MDN1: variants seen among roughly 807,000 people sequenced by gnomAD.
MDN1 encodes the protein midasin AAA ATPase 1, also known as midasin.
In MDN1, 266 loss-of-function variants were observed where a neutral mutation model predicts 669.2. The ratio of observed to expected loss-of-function variants is 0.40; its 90% confidence interval spans 0.36 to 0.44. The LOEUF (loss-of-function observed/expected upper bound fraction) is 0.44. MDN1 is among the 20% of genes least tolerant of loss of function. The pLI, the probability that MDN1 is intolerant of heterozygous loss-of-function variation, is 1.00. For synonymous variants in MDN1, 2,385 were observed against 2,457.1 expected (o/e 0.97, Z 0.87); for missense variants, 5,940 against 6,754.0 (o/e 0.88, Z 4.22).
chr6:89,796,661 G>A (rs1024685046), intron 2 of MDN1, among the ~76,000 whole-genome samples: 1 of 152,194 alleles, frequency 6.6e-6, no homozygotes, highest in Non-Finnish European at 1.5e-5. Context: ...TGGGTACAGT[G>A]TGTATATGAG....
intron 22 of MDN1, among the ~76,000 whole-genome samples, chr6:89,752,914 G>A (rs1817028633): frequency 6.6e-6 from 1 of 152,040 alleles, no homozygotes. Flanking sequence ...CATGAGGTCA[G>A]GAGTTCGAGA....
chr6:89,722,913 T>C (rs1373151651), intron 40 of MDN1, 42 bp downstream of exon 40: 1 of 1,548,102 alleles, frequency 6.5e-7, no homozygotes, highest in African/African-American at 1.4e-5. Context: ...GGAAATCAAC[T>C]TTCAGATGGA....
intron 15 of MDN1, among the ~76,000 whole-genome samples, chr6:89,768,989 G>A (rs1455714618): frequency 6.6e-6 from 1 of 151,922 alleles, no homozygotes; most frequent in Non-Finnish European, 1.5e-5. Flanking sequence ...AGAAAGTCAA[G>A]GCTGCAATAA....
At chr6:89,757,950 A>T (rs1409955330) in intron 19 of MDN1, among the ~76,000 whole-genome samples, 1 of 152,196 alleles carries the variant, frequency 6.6e-6, no homozygotes, top group Non-Finnish European at 1.5e-5. Context: ...CAGGAGGCTG[A>T]GGCAGGAGAA....
chr6:89,766,355 C>T (rs767590231), intron 15 of MDN1, among the ~76,000 whole-genome samples: 3 of 151,332 alleles, frequency 2.0e-5, no homozygotes, highest in East Asian at 3.9e-4. Context: ...TACCTAAAGC[C>T]CTTAAGTCAA....
chr6:89,801,403 A>C (rs1235044234), intron 2 of MDN1, among the ~76,000 whole-genome samples: 5 of 152,174 alleles, frequency 3.3e-5, no homozygotes, highest in Non-Finnish European at 7.3e-5. Context: ...CTATAATCCC[A>C]GCAATCTGGG....
intron 46 of MDN1, 134 bp from the exon 47 acceptor site, chr6:89,713,430 A>G (rs2128312142): frequency 1.3e-6 from 1 of 783,148 alleles, no homozygotes; most frequent in Non-Finnish European, 2.0e-6. Flanking sequence ...AAACATTCCA[A>G]GTAGACTCTA....
Position 89,772,650 on chromosome 6 carries a change from T to C in MDN1, c.2006A>G (p.Lys669Arg). 6.2e-7 allele frequency: 1 copy of C among 1,614,124 alleles called. No individual in the cohort carries two copies. Among genetic ancestry groups the C allele is most frequent in the Non-Finnish European group, 8.5e-7 (1 of 1,180,004 alleles). ...LIEQLAVCVS[K>R]GEPVLLVGET... ...TCCCACCAGCAACACAGGCTCCCCT[T>C]TGCTGACACACACTGCAAGCTGCTC... Residue 669 changes from lysine (K) to arginine (R), a missense_variant, in exon 14 of 102, where the codon AAA becomes AGA. Lys to Arg is a conservative substitution (Grantham distance 26, BLOSUM62 2). Transcript: ENST00000369393.
At chr6:89,705,185 T>C (rs1408004196) in intron 53 of MDN1, among the ~76,000 whole-genome samples, 4 of 152,222 alleles carry the variant, frequency 2.6e-5, no homozygotes, top group Non-Finnish European at 4.4e-5. Flanking sequence ...ACTTTAGAAA[T>C]TGCTATTTTT....
intron 14 of MDN1, among the ~76,000 whole-genome samples, 180 bp from the exon 15 acceptor site, chr6:89,771,801 T>G (rs45628137): frequency 0.18 from 27,114 of 152,024 alleles, 2,466 homozygotes; most frequent in East Asian, 0.22. Context: ...CTCAACTTCC[T>G]GGGCTCAAGT....
At chr6:89,807,087 T>G (rs934178437) in intron 1 of MDN1, among the ~76,000 whole-genome samples, 1 of 151,550 alleles carries the variant, frequency 6.6e-6, no homozygotes, top group Admixed American at 6.6e-5. Context: ...AAACATTGTT[T>G]TGTTTTTTAT....
intron 94 of MDN1, among the ~76,000 whole-genome samples, chr6:89,652,755 A>G (rs1054648319): frequency 6.6e-6 from 1 of 152,256 alleles, no homozygotes; most frequent in Admixed American, 6.5e-5. Flanking sequence ...CAGACCCACC[A>G]TCACAGACAG....
chr6:89,730,351 T>C (rs1055613739), intron 35 of MDN1, among the ~76,000 whole-genome samples: 8 of 152,184 alleles, frequency 5.3e-5, no homozygotes, highest in Non-Finnish European at 8.8e-5. Context: ...CTGTAAAAGA[T>C]GATGAGGTTG....
chr6:89,748,991 G>A (rs1284968467), intron 26 of MDN1, among the ~76,000 whole-genome samples: 1 of 151,954 alleles, frequency 6.6e-6, no homozygotes, highest in East Asian at 1.9e-4. Flanking sequence ...CTGAGCCCAG[G>A]AGGTCAAGGC....
Position 89,719,008 on chromosome 6 carries a change from C to T in MDN1, c.6080G>A (p.Arg2027His), listed in dbSNP as rs914896506. The T allele has an allele frequency of 5.6e-6, 9 of 1,613,986 alleles. No individual in the cohort carries two copies. Among genetic ancestry groups the T allele is most frequent in the South Asian group, 1.1e-5 (1 of 91,078 alleles). The part of the protein sequence containing the change: ...DVQLGYSVLS[R>H]GSCVPHPSRH... ...GGACGGGTGAGGAACACAGCTCCCACGGGAAAGGACTGAGTAGCCCAACTG... is the reference window on the plus strand; with the variant it reads ...GGACGGGTGAGGAACACAGCTCCCATGGGAAAGGACTGAGTAGCCCAACTG... The change falls in exon 42 of 102, where the codon CGT becomes CAT. Residue 2027 changes from arginine (R) to histidine (H), a missense_variant. This residue lies in a region of MDN1 where 2,292 missense variants were observed against 2,638.3 expected (regional missense o/e 0.87). Transcript: ENST00000369393.
At chr6:89,794,042 G>T in intron 4 of MDN1, 58 bp downstream of exon 4, 1 of 1,394,266 alleles carries the variant, frequency 7.2e-7, no homozygotes, top group Non-Finnish European at 9.8e-7. Flanking sequence ...GTCACCCCCA[G>T]AAAAGAAAAA....
At chr6:89,771,480 G>C in intron 15 of MDN1, 81 bp downstream of exon 15, 4 of 1,242,872 alleles carry the variant, frequency 3.2e-6, no homozygotes, top group Non-Finnish European at 4.7e-6. Context: ...AGAACCTGTG[G>C]TTGTTAACAC....
At chr6:89,660,434 T>G (rs1809651785) in intron 88 of MDN1, among the ~76,000 whole-genome samples, 1 of 152,092 alleles carries the variant, frequency 6.6e-6, no homozygotes. Context: ...TTCTCCCACC[T>G]TGGCTTTCCA....
Position 89,644,069 on chromosome 6 carries a change from G to C in MDN1, c.16727C>G (p.Pro5576Arg). 1 of 1,614,136 alleles carries C rather than the reference G, an allele frequency of 6.2e-7. No homozygotes were observed. The change falls in exon 102 of 102, where the codon CCT becomes CGT. Residue 5576 changes from proline (P) to arginine (R), a missense_variant. Pro to Arg is a moderately radical substitution (Grantham distance 103). Coordinates refer to ENST00000369393, the MANE Select transcript of MDN1 (RefSeq NM_014611.3). ...YIILRDVNAL[P>R]ETLSDALRQW... ...TCTGAGGGCATCGCTGAGTGTCTCA[G>C]GAAGTGCGTTTACATCTCGAAGAAT...
Sources: gnomAD v4.1 joint callset for allele counts (sites outside exome capture counted in the v4.1 genomes callset) on GRCh38, gnomAD v4.1.1 for gene constraint, gnomAD v4.1.1 regional missense constraint, MANE v1.5 for transcripts, NCBI Gene and HGNC (gene_info 2026-07-23, HGNC 2026-07-21) for gene names.